XPO1: variants seen among roughly 807,000 people sequenced by gnomAD.
XPO1 encodes the protein exportin-1.
A neutral mutation model predicts 133.3 loss-of-function variants in XPO1; 5 were observed. That is an observed-to-expected ratio of 0.04 (90% CI 0.02 to 0.08). The LOEUF (loss-of-function observed/expected upper bound fraction) is 0.08, where lower values mean the gene tolerates loss of function less well. Among genes scored for constraint, XPO1 ranks in the 10% least tolerant of loss-of-function variants. The pLI, the probability that XPO1 is intolerant of heterozygous loss-of-function variation, is 1.00. For missense variants in XPO1, 506 were observed against 1,267.5 expected, an observed-to-expected ratio of 0.40 and a Z score of 9.12; for synonymous variants, 419 against 408.2, an observed-to-expected ratio of 1.03 and a Z score of -0.32.
intron 20 of XPO1, 56 bp from the exon 21 acceptor site, chr2:61,484,161 A>G: frequency 6.7e-7 from 1 of 1,487,202 alleles, no homozygotes; most frequent in Non-Finnish European, 9.3e-7. Context: ...TGTGCTAGAC[A>G]GGAGGGGAAA....
Position 61,482,993 on chromosome 2 carries a change from T to C in XPO1, c.2776A>G (p.Ile926Val), listed in dbSNP as rs1039748955. 6.2e-7 allele frequency: 1 copy of C among 1,613,446 alleles called. No individual in the cohort carries two copies. Residue 926 changes from isoleucine to valine, a missense_variant, in exon 22 of 25, where the codon ATC (isoleucine) becomes GTC (valine). Around this residue, in one of 6 missense-constraint regions of XPO1, gnomAD observed 203 missense variants for 365.9 expected, o/e 0.55. Transcript: ENST00000401558. ...GAAGTGTCTGTCACAACAGAAAAGA[T>C]ATGCTGGAGAATATCACAAAAATAA... ...QTYFCDILQH[I>V]FSVVTDTSHT...
chr2:61,491,492 A>ACACC (rs1553404960), intron 16 of XPO1, among the ~76,000 whole-genome samples: 5 of 128,324 alleles, frequency 3.9e-5, no homozygotes, highest in African/African-American at 1.4e-4. Context: ...ACACACACAC[A>ACACC]CACACCCCAA....
chr2:61,488,859 T>C (rs1696820043), intron 17 of XPO1, 88 bp from the exon 18 acceptor site: 3 of 1,436,342 alleles, frequency 2.1e-6, no homozygotes, highest in African/African-American at 1.4e-5. Context: ...CCCAGCACTC[T>C]GAGAGGCCGA....
At chr2:61,491,922 A>C in intron 16 of XPO1, 113 bp downstream of exon 16, 1 of 1,307,740 alleles carries the variant, frequency 7.6e-7, no homozygotes, top group Non-Finnish European at 1.0e-6. Flanking sequence ...AAGAAAATTT[A>C]ATCAGAAACA....
At chr2:61,501,457 C>T (rs1402438394) in intron 6 of XPO1, among the ~76,000 whole-genome samples, 1 of 152,024 alleles carries the variant, frequency 6.6e-6, no homozygotes, top group Non-Finnish European at 1.5e-5. Context: ...TGCAGCGGCT[C>T]ACACCTATAA....
At chr2:61,524,643 G>A (rs1323734562) in intron 3 of XPO1, among the ~76,000 whole-genome samples, 1 of 152,158 alleles carries the variant, frequency 6.6e-6, no homozygotes, top group East Asian at 1.9e-4. Context: ...ATGTTATTTG[G>A]GGCCAGGCAA....
In XPO1 at chr2:61,538,057, G is replaced by T. The variant is rs866785899; in HGVS notation, c.-502C>A. The T allele has an allele frequency of 2.4e-5, 1 of 42,098 alleles. No individual in the cohort carries two copies. The highest frequency in any genetic ancestry group is 1.4e-4 in the African/African-American group (1 of 7,176). 2.6% of individuals were successfully genotyped at this position (42,098 alleles called of 1,614,324 possible). A position where few individuals can be genotyped will look rare whatever the true frequency, so the allele number is the denominator to read the frequency against. On this transcript the variant is annotated 5_prime_UTR_variant, in exon 1 of 25. Transcript: ENST00000401558. ...CCGGCGCTGGCCCCCCCCCCCCCAA[G>T]GCTCGCCTAAACTTTCCCCCCTTCT...
Position 61,504,122 on chromosome 2 carries a change from A to G in XPO1, c.302-1812T>C, listed in dbSNP as rs113637001. Among the ~76,000 whole-genome samples the G allele has an allele frequency of 6.2e-3, 947 of 152,342 alleles. 9 individuals are homozygous for G. Among genetic ancestry groups the G allele is most frequent in the African/African-American group, 0.022 (899 of 41,574 alleles). On this transcript the variant is annotated intron_variant, in intron 4 of 24. Coordinates refer to ENST00000401558, the MANE Select transcript of XPO1 (RefSeq NM_003400.4). ...ATTAAGCTCATATTAGAAATACAAC[A>G]TTAACTTCACACACACAATGTTAAA...
At chr2:61,483,253 A>G (rs1310269340) in intron 21 of XPO1, 162 bp from the exon 22 acceptor site, 6 of 663,246 alleles carry the variant, frequency 9.0e-6, no homozygotes, top group Non-Finnish European at 1.5e-5. Flanking sequence ...TAATAATGGA[A>G]TACAACTATA....
At chr2:61,489,452 C>T (rs1170308361) in intron 17 of XPO1, among the ~76,000 whole-genome samples, 1 of 151,668 alleles carries the variant, frequency 6.6e-6, no homozygotes. Context: ...AAAGCAAAAG[C>T]CATTACGCTT....
At chr2:61,512,246 A>G (rs1376339757) in intron 4 of XPO1, among the ~76,000 whole-genome samples, 1 of 152,140 alleles carries the variant, frequency 6.6e-6, no homozygotes, top group African/African-American at 2.4e-5. Flanking sequence ...TAATATTTAC[A>G]TTTTCTTTTC....
chr2:61,491,901 AG>A, intron 16 of XPO1, 133 bp downstream of exon 16: 1 of 1,148,594 alleles, frequency 8.7e-7, no homozygotes, highest in Non-Finnish European at 1.2e-6. Context: ...CCCTGTCTCA[AG>A]GAAAAAAGAA....
intron 4 of XPO1, among the ~76,000 whole-genome samples, chr2:61,516,357 T>C (rs1698390297): frequency 6.6e-6 from 1 of 152,036 alleles, no homozygotes; most frequent in East Asian, 1.9e-4. Context: ...AATTACGATC[T>C]TTCCACTTTG....
intron 3 of XPO1, chr2:61,525,802 ATG>A: frequency 9.6e-7 from 1 of 1,036,312 alleles, no homozygotes; most frequent in Non-Finnish European, 1.2e-6. Context: ...TTTTAACACA[ATG>A]TATATCAAGT....
intron 19 of XPO1, among the ~76,000 whole-genome samples, chr2:61,487,946 C>T (rs1185173619): frequency 6.6e-6 from 1 of 152,162 alleles, no homozygotes; most frequent in Non-Finnish European, 1.5e-5. Context: ...TATCTTGTTA[C>T]ATATCACCAC....
intron 3 of XPO1, chr2:61,525,372 A>C: frequency 1.0e-6 from 1 of 989,506 alleles, no homozygotes; most frequent in Non-Finnish European, 1.2e-6. Flanking sequence ...ATTATGATTA[A>C]TATCAGGTAG....
chr2:61,482,700 G>A (rs578174269), intron 22 of XPO1, 161 bp from the exon 23 acceptor site: 15 of 784,128 alleles, frequency 1.9e-5, no homozygotes, highest in South Asian at 1.0e-4. Context: ...CTGCCTCCTC[G>A]GTCCAAGCCA....
intron 3 of XPO1, chr2:61,525,730 T>C: frequency 6.8e-6 from 7 of 1,027,942 alleles, no homozygotes; most frequent in Non-Finnish European, 8.2e-6. Context: ...TAATTAATAT[T>C]TTAAAACTGT....
intron 4 of XPO1, among the ~76,000 whole-genome samples, chr2:61,511,729 A>G (rs1351810952): frequency 1.3e-5 from 2 of 151,524 alleles, no homozygotes; most frequent in Non-Finnish European, 1.5e-5. Context: ...TGAAAAACAT[A>G]ATTTATAGCT....
Sources: allele counts gnomAD v4.1 joint callset (sites outside exome capture counted in the v4.1 genomes callset), GRCh38; gene constraint gnomAD v4.1.1; regional missense constraint gnomAD v4.1.1; transcripts MANE v1.5; gene names NCBI Gene and HGNC (gene_info 2026-07-23, HGNC 2026-07-21).